F7: variants seen among roughly 807,000 people sequenced by gnomAD.
F7 encodes FVII coagulation protein.
F7 carries 38 observed loss-of-function variants against 47.5 expected under a neutral mutation model. The observed-to-expected ratio is 0.80, with a 90% CI of 0.62 to 1.05. F7 has a LOEUF of 1.05. Among genes scored for constraint, F7 ranks in the 50% least tolerant of loss-of-function variants. The probability of loss-of-function intolerance (pLI) is 0.00; values close to 1 mark genes in which losing one functional copy is unlikely to be tolerated. For synonymous variants in F7, 244 were observed against 258.5 expected (o/e 0.94, Z 0.54); for missense variants, 575 against 605.4 (o/e 0.95, Z 0.53).
At chr13:113,107,325 AGT>A (rs2035983949) in intron 1 of F7, among the ~76,000 whole-genome samples, 1 of 42,914 alleles carries the variant, frequency 2.3e-5, no homozygotes, top group African/African-American at 1.1e-4. Context: ...GTGTCCCGGG[AGT>A]GTGGGTGTCC....
chr13:113,112,558 C>T (rs1351006271), intron 2 of F7, among the ~76,000 whole-genome samples: 2 of 148,298 alleles, frequency 1.3e-5, no homozygotes, highest in Admixed American at 6.8e-5. Context: ...ACCTCACACT[C>T]ACAGGACACC....
At chr13:113,110,450 G>A (rs1241933299) in intron 1 of F7, 14 of 479,688 alleles carry the variant, frequency 2.9e-5, no homozygotes, top group Non-Finnish European at 5.1e-5. Context: ...GTGCCCCCGA[G>A]CGCGCCCTCG....
chr13:113,106,829 C>A (rs746291346), intron 1 of F7: 2 of 1,587,884 alleles, frequency 1.3e-6, no homozygotes, highest in East Asian at 4.6e-5. Context: ...TGACCCCGGC[C>A]ACCTTCCTGC....
Position 113,113,773 on chromosome 13 carries a change from AGTGG to A in F7, c.248_250+1del. On this transcript the variant is annotated splice_donor_variant and coding_sequence_variant, in exon 3 of 8. Transcript: ENST00000346342. LOFTEE classifies it high-confidence loss of function. The surrounding 1 kb of genome is among the most constrained non-coding windows in gnomAD (Gnocchi z 4.1). ...TCAGAAGCTGTTCTGGATTTCTTAC[AGTGG>A]TGAGTGGATGATCACCACCAGTCCT... 6.2e-7 allele frequency: 1 copy of A among 1,614,118 alleles called. No homozygotes were observed. Among genetic ancestry groups the A allele is most frequent in the South Asian group, 1.1e-5 (1 of 91,076 alleles).
intron 7 of F7, 48 bp from the exon 8 acceptor site, chr13:113,118,365 G>A: frequency 1.3e-6 from 2 of 1,544,642 alleles, no homozygotes; most frequent in Non-Finnish European, 1.8e-6. Flanking sequence ...ACCAGGGGGT[G>A]AGGTGGCAGG....
chr13:113,106,997 C>A, intron 1 of F7: 1 of 1,445,978 alleles, frequency 6.9e-7, no homozygotes, highest in Non-Finnish European at 9.5e-7. Flanking sequence ...AGAGCCAGCC[C>A]GCGGGGTGGC....
rs765137012 is a variant in F7 at position 113,115,728 on chromosome 13, G to T, written c.433G>T (p.Gly145Cys). ...TGAGCAGTACTGCAGTGACCACACG[G>T]GCACCAAGCGCTCCTGTCGGTGCCA... ...GCEQYCSDHT[G>C]TKRSCRCHEG... is the part of the protein sequence containing the mutation. Residue 145 changes from glycine to cysteine, a missense_variant, in exon 5 of 8, where the codon GGC becomes TGC. Gly to Cys is a radical substitution (Grantham distance 159, BLOSUM62 -3). Coordinates refer to ENST00000346342, the MANE Select transcript of F7 (RefSeq NM_019616.4). The T allele has an allele frequency of 1.9e-6, 3 of 1,613,126 alleles. No homozygotes were observed. The South Asian group carries it at 3.3e-5, about 18-fold the overall frequency.
chr13:113,112,714 C>A (rs566566150), intron 2 of F7, among the ~76,000 whole-genome samples: 1 of 85,226 alleles, frequency 1.2e-5, no homozygotes, highest in Admixed American at 1.3e-4. Flanking sequence ...GGTCACCTCA[C>A]ACAGGACACC....
At chr13:113,110,296 T>C (rs1745939) in intron 1 of F7, 146,492 of 190,294 alleles carry the variant, frequency 0.77, 56,733 homozygotes, top group Middle Eastern at 0.86. Context: ...CGGGCGGCTG[T>C]ACGGATTTCC....
chr13:113,118,348 C>G, intron 7 of F7, 65 bp from the exon 8 acceptor site: 1 of 1,512,804 alleles, frequency 6.6e-7, no homozygotes, highest in Non-Finnish European at 8.9e-7. Flanking sequence ...ACAGCCCATC[C>G]CCATGCACCA....
chr13:113,112,916 C>T (rs545976173), intron 2 of F7, among the ~76,000 whole-genome samples: 1 of 150,412 alleles, frequency 6.6e-6, no homozygotes, highest in Admixed American at 6.6e-5. Flanking sequence ...ACACAGATCA[C>T]CTCATACTCA....
intron 4 of F7, among the ~76,000 whole-genome samples, chr13:113,115,355 A>G (rs1306626091): frequency 6.6e-6 from 1 of 152,152 alleles, no homozygotes; most frequent in East Asian, 1.9e-4. Flanking sequence ...GGCTCCCATC[A>G]GCTGCTCGGA....
chr13:113,110,745 C>T lies in F7; in HGVS notation c.120C>T (p.Asn40=). ...TCCTGCACCGGCGCCGGCGCGCCAA[C>T]GCGTTCCTGGAGGAGCTGCGGCCGG... ...HGVLHRRRRA[N]AFLEELRPGS... is the part of the protein sequence containing the mutation. The change falls in exon 2 of 8, where the codon AAC becomes AAT. Residue 40 remains asparagine (N), a synonymous_variant. Coordinates refer to ENST00000346342, the MANE Select transcript of F7 (RefSeq NM_019616.4). 6.5e-7 allele frequency: 1 copy of T among 1,549,042 alleles called. No individual in the cohort carries two copies. Among genetic ancestry groups the T allele is most frequent in the Non-Finnish European group, 8.7e-7 (1 of 1,146,640 alleles).
rs761212787 is a variant in F7, at chr13:113,105,810, A to C, written c.-32A>C. The C allele has an allele frequency of 5.0e-5, 79 of 1,571,074 alleles. No individual in the cohort carries two copies. Among genetic ancestry groups the C allele is most frequent in the Non-Finnish European group, 2.2e-5 (25 of 1,157,706 alleles). ...CCCGTCAGTCCCATGGGGAATGTCA[A>C]CAGGCAGGGGCAGCACTGCAGAGAT... On this transcript the variant is annotated 5_prime_UTR_variant, in exon 1 of 8. Coordinates refer to ENST00000346342, the MANE Select transcript of F7 (RefSeq NM_019616.4).
Position 113,115,948 on chromosome 13 carries a change from C to T in F7, c.505+148C>T. 5 of 1,245,880 alleles carry T rather than the reference C, an allele frequency of 4.0e-6. No homozygotes were observed. The East Asian group carries it at 1.3e-4, about 31-fold the overall frequency. 77.2% of individuals were successfully genotyped at this position (1,245,880 alleles called of 1,614,324 possible). The stretch of plus-strand genomic sequence containing the variant: ...CCAATTGTGAGGTGGGATCTGGGCA[C>T]CAAGGGTGGCACAGGCCAGAGCGAC... On this transcript the variant is annotated intron_variant, in intron 5 of 7. Coordinates refer to ENST00000346342, the MANE Select transcript of F7 (RefSeq NM_019616.4).
chr13:113,118,851 C>G lies in F7; in HGVS notation c.1178C>G (p.Thr393Arg). 6.2e-7 allele frequency: 1 copy of G among 1,612,804 alleles called. No homozygotes were observed. The highest frequency in any genetic ancestry group is 8.5e-7 in the Non-Finnish European group (1 of 1,179,970). ...GGPHATHYRG[T>R]WYLTGIVSWG... ...CCACATGCCACCCACTACCGGGGCA[C>G]GTGGTACCTGACGGGCATCGTCAGC... The change falls in exon 8 of 8, where the codon ACG becomes AGG. Residue 393 changes from threonine (T) to arginine (R), a missense_variant. Physicochemically the swap from Thr to Arg is moderately conservative, Grantham distance 71 (BLOSUM62 -1). Coordinates refer to ENST00000346342, the MANE Select transcript of F7 (RefSeq NM_019616.4).
intron 4 of F7, 105 bp from the exon 5 acceptor site, chr13:113,115,555 C>T: frequency 7.5e-7 from 1 of 1,330,294 alleles, no homozygotes; most frequent in Non-Finnish European, 1.1e-6. Context: ...TCAGTGCCAC[C>T]TTCCAGGCAG....
Position 113,113,648 on chromosome 13 carries a change from C to G in F7, c.226-104C>G. Reference sequence around the variant, plus strand: ...GCTTCCTGAGCCCACCCCGCCAGACCCAGGTCCAAGTCCCCCAACCCCAGT... The same window carrying G: ...GCTTCCTGAGCCCACCCCGCCAGACGCAGGTCCAAGTCCCCCAACCCCAGT... On this transcript the variant is annotated intron_variant, in intron 2 of 7. Transcript: ENST00000346342. The surrounding 1 kb of genome is among the most constrained non-coding windows in gnomAD (Gnocchi z 4.1). 8.2e-7 allele frequency: 1 copy of G among 1,217,120 alleles called. No homozygotes were observed. The allele number at this position is 1,217,120 out of a possible 1,614,324, so 75.4% of individuals were successfully genotyped here.
chr13:113,114,012 G>A lies in F7; in HGVS notation c.364+52G>A, dbSNP rs777112433. 18 of 1,604,284 alleles carry A rather than the reference G, an allele frequency of 1.1e-5. No homozygotes were observed. In the Admixed American group the frequency reaches 2.5e-4, roughly 22 times the overall value. On this transcript the variant is annotated intron_variant, in intron 4 of 7. Coordinates refer to ENST00000346342, the MANE Select transcript of F7 (RefSeq NM_019616.4). ...TTGCAGAGGGCCCTGGGGAGCTGGT[G>A]GAGGTGGCCTGGCCAACCGGGCTGC...
Sources: gnomAD v4.1 joint callset for allele counts (sites outside exome capture counted in the v4.1 genomes callset) on GRCh38, gnomAD v4.1.1 for gene constraint, Gnocchi (gnomAD v3.1) non-coding constraint, MANE v1.5 for transcripts, NCBI Gene and HGNC (gene_info 2026-07-23, HGNC 2026-07-21) for gene names.